MRTFB: variants seen among roughly 807,000 people sequenced by gnomAD.
The protein encoded by MRTFB is myocardin-related transcription factor B.
Under a neutral mutation model 104.2 loss-of-function variants are expected in MRTFB, and 29 were observed. The ratio of observed to expected loss-of-function variants is 0.28; its 90% CI spans 0.21 to 0.38. The LOEUF is 0.38. Ranked by LOEUF, MRTFB falls within the 10% of genes least tolerant of loss-of-function variation. The pLI, the probability that MRTFB is intolerant of heterozygous loss-of-function variation, is 1.00. For synonymous variants in MRTFB, 535 were observed against 519.5 expected (o/e 1.03, Z -0.41); for missense variants, 1,270 against 1,341.6 (o/e 0.95, Z 0.83).
At chr16:14,249,327 G>A (rs1192227625) in intron 13 of MRTFB, among the ~76,000 whole-genome samples, 1 of 152,168 alleles carries the variant, frequency 6.6e-6, no homozygotes, top group African/African-American at 2.4e-5. Context: ...CTTTTCCAAG[G>A]GAAAGTTTCA....
chr16:14,084,553 AAGAT>A (rs1217042563), intron 2 of MRTFB, among the ~76,000 whole-genome samples: 1 of 152,210 alleles, frequency 6.6e-6, no homozygotes. Context: ...AAAAATTAAA[AAGAT>A]AAATAAAGAA....
chr16:14,165,801 G>T (rs1194868834), intron 3 of MRTFB, among the ~76,000 whole-genome samples: 1 of 152,170 alleles, frequency 6.6e-6, no homozygotes, highest in Non-Finnish European at 1.5e-5. Context: ...TTTGCCTTCA[G>T]TGTTAAACTT....
intron 9 of MRTFB, among the ~76,000 whole-genome samples, chr16:14,238,493 G>A (rs569569762): frequency 2.6e-5 from 4 of 152,272 alleles, no homozygotes; most frequent in South Asian, 2.1e-4. Context: ...TACGTGGTGG[G>A]TATCAGAGAT....
chr16:14,056,607 TCTC>T, the MRTFB span, among the ~76,000 whole-genome samples: 1 of 152,198 alleles, frequency 6.6e-6, no homozygotes, highest in African/African-American at 2.4e-5. Context: ...AGCCCTGGTC[TCTC>T]TTTTTTTGGA....
intron 2 of MRTFB, among the ~76,000 whole-genome samples, chr16:14,080,772 C>T (rs534924160): frequency 6.6e-6 from 1 of 152,266 alleles, no homozygotes; most frequent in South Asian, 2.1e-4. Flanking sequence ...CTTTCTGTGT[C>T]AGGCTTATTT....
the MRTFB span, among the ~76,000 whole-genome samples, chr16:14,012,295 C>CTT: frequency 2.8e-5 from 3 of 107,922 alleles, no homozygotes; most frequent in African/African-American, 8.6e-5. Flanking sequence ...CTTTTTCTTT[C>CTT]TTTCTTTTTT....
At chr16:14,171,117 T>G (rs894237513) in intron 3 of MRTFB, among the ~76,000 whole-genome samples, 6 of 152,238 alleles carry the variant, frequency 3.9e-5, no homozygotes, top group African/African-American at 1.4e-4. Flanking sequence ...GTTTGCATTC[T>G]GGCACAACAA....
chr16:14,167,988 A>G (rs1297526547), intron 3 of MRTFB, among the ~76,000 whole-genome samples: 1 of 152,140 alleles, frequency 6.6e-6, no homozygotes. Flanking sequence ...CGCCCGGCCA[A>G]TCTATCTTGA....
chr16:14,114,258 T>C (rs2036422676), intron 2 of MRTFB, among the ~76,000 whole-genome samples: 1 of 152,256 alleles, frequency 6.6e-6, no homozygotes, highest in Admixed American at 6.5e-5. Context: ...TGGCAGCATA[T>C]TGCTGATGAC....
rs140624217 is a variant in MRTFB, at chr16:14,165,982, T to C, written c.154+25222T>C. On this transcript the variant is annotated intron_variant, in intron 3 of 16. Coordinates refer to ENST00000571589, the MANE Select transcript of MRTFB (RefSeq NM_001308142.2). ...TTGTGCAGTGAGAGCCATATGTTTC[T>C]ATTTCTCCTTCCCCATAGTTGAAAG... Among the ~76,000 whole-genome samples, 1,481 of 152,374 alleles carry C rather than the reference T, an allele frequency of 9.7e-3. 24 individuals carry two copies. The highest frequency in any genetic ancestry group is 0.034 in the African/African-American group (1,408 of 41,590).
intron 1 of MRTFB, among the ~76,000 whole-genome samples, chr16:14,076,022 A>G (rs573251789): frequency 2.6e-5 from 4 of 152,212 alleles, no homozygotes; most frequent in South Asian, 2.1e-4. Context: ...TTTGTTTCCT[A>G]TACATGTCTT....
chr16:14,232,566 C>T (rs2042313020), intron 8 of MRTFB, among the ~76,000 whole-genome samples: 1 of 152,128 alleles, frequency 6.6e-6, no homozygotes, highest in Non-Finnish European at 1.5e-5. Flanking sequence ...AAGTAAGGTC[C>T]TTCATATTGT....
chr16:14,187,157 A>G (rs1202523973), intron 3 of MRTFB: 3 of 759,670 alleles, frequency 3.9e-6, no homozygotes, highest in South Asian at 2.0e-5. Flanking sequence ...TACCTTACAC[A>G]TTCTAAGTTC....
chr16:14,252,384 C>A lies in MRTFB; in HGVS notation c.2585C>A (p.Pro862His), dbSNP rs750156071. Residue 862 changes from proline (P) to histidine (H), a missense_variant, in exon 15 of 17, where the codon CCC (proline) becomes CAC (histidine). Transcript: ENST00000571589. The part of the protein sequence containing the change: ...TPNKPSSPPP[P>H]QQFVVQHSLF... ...ACACAGCCTAGTTCACCCCCGCCAC[C>A]CCAGCAATTTGTCGTCCAGCACTCT... The A allele has an allele frequency of 6.2e-7, 1 of 1,613,612 alleles. No individual in the cohort carries two copies. The highest frequency in any genetic ancestry group is 1.7e-5 in the Admixed American group (1 of 59,978).
At chr16:14,047,569 T>C in the MRTFB span, among the ~76,000 whole-genome samples, 1 of 152,296 alleles carries the variant, frequency 6.6e-6, no homozygotes, top group African/African-American at 2.4e-5. Context: ...GGACTCACAG[T>C]TCATGTGGCT....
chr16:14,243,864 G>GTTTGTTTTTTTTTTTTTTTTTTTTTTTTT (rs750881308), intron 10 of MRTFB, among the ~76,000 whole-genome samples: 9 of 124,676 alleles, frequency 7.2e-5, no homozygotes, highest in African/African-American at 3.0e-4. Flanking sequence ...CCTGTTTTGG[G>GTTTGTTTTTTTTTTTTTTTTTTTTTTTTT]TTTTTTTTTT....
chr16:14,236,865 C>T (rs776586596), intron 9 of MRTFB, among the ~76,000 whole-genome samples: 4 of 152,126 alleles, frequency 2.6e-5, no homozygotes, highest in Non-Finnish European at 4.4e-5. Flanking sequence ...AAATGCACAG[C>T]AGGAGACAGT....
chr16:14,036,497 T>G, the MRTFB span, among the ~76,000 whole-genome samples: 10 of 148,406 alleles, frequency 6.7e-5, no homozygotes, highest in African/African-American at 2.2e-4. Context: ...CATATATATG[T>G]TGAAATATAT....
chr16:14,076,275 T>G (rs190320972), intron 1 of MRTFB, among the ~76,000 whole-genome samples: 1 of 152,106 alleles, frequency 6.6e-6, no homozygotes, highest in African/African-American at 2.4e-5. Context: ...CACTGTAACC[T>G]CCATCTCTCA....
Sources: gnomAD v4.1 joint callset for allele counts (sites outside exome capture counted in the v4.1 genomes callset) on GRCh38, gnomAD v4.1.1 for gene constraint, MANE v1.5 for transcripts, NCBI Gene and HGNC (gene_info 2026-07-23, HGNC 2026-07-21) for gene names.